The following ENOX2 variants were observed in gnomAD, a reference collection of about 807,000 sequenced individuals.
ENOX2 encodes APK1 antigen.
Under a neutral mutation model 45.0 loss-of-function variants are expected in ENOX2, and 36 were observed. The observed-to-expected ratio is 0.80, with a 90% CI of 0.61 to 1.06. The LOEUF (loss-of-function observed/expected upper bound fraction) is 1.06, where lower values mean the gene tolerates loss of function less well. Ranked by LOEUF, ENOX2 falls within the 50% of genes least tolerant of loss-of-function variation. The pLI is 0.00. For synonymous variants in ENOX2, 174 were observed against 152.3 expected, an observed-to-expected ratio of 1.14 and a Z score of -1.05; for missense variants, 423 against 462.5, an observed-to-expected ratio of 0.91 and a Z score of 0.78.
intron 8 of ENOX2, 98 bp downstream of exon 8, chrX:130,667,432 A>C: frequency 2.7e-6 from 2 of 752,069 alleles, no homozygotes; most frequent in Non-Finnish European, 4.1e-6. Context: ...CTTGAGCCTT[A>C]ACACAGGATG....
chrX:130,840,674 C>T (rs890250954), intron 2 of ENOX2, among the ~76,000 whole-genome samples: 10 of 110,670 alleles, frequency 9.0e-5, no homozygotes, highest in Non-Finnish European at 1.9e-4. Flanking sequence ...CAAGACCAGC[C>T]TGAGCAATAT....
chrX:130,790,376 C>A lies in ENOX2; in HGVS notation c.-182-6686G>T, dbSNP rs2077025468. ...AACTACTTGGTCAAGTCACTAAAGT[C>A]TCTCATAAAAAGGCCGCATCCATTT... On this transcript the variant is annotated intron_variant, in intron 2 of 14. Transcript: ENST00000394363. Among the ~76,000 whole-genome samples, 3 of 111,989 alleles carry A rather than the reference C, an allele frequency of 2.7e-5. No individual in the cohort carries two copies. The Admixed American group carries it at 2.8e-4, about 11-fold the overall frequency.
chrX:130,781,381 A>G (rs1687193347), intron 3 of ENOX2, among the ~76,000 whole-genome samples: 1 of 112,420 alleles, frequency 8.9e-6, no homozygotes, highest in Non-Finnish European at 1.9e-5. Flanking sequence ...CATTATTTGA[A>G]TGCAAATTGT....
Position 130,645,632 on chromosome X carries a change from G to A in ENOX2, c.1130-8222C>T, listed in dbSNP as rs184838447. ...CTGGGCCGCAGGCCATGGGGCCCGC[G>A]CCCGCCTGGAGGGATGGGGCTGCCC... On this transcript the variant is annotated intron_variant, in intron 10 of 14. Coordinates refer to ENST00000394363, the MANE Select transcript of ENOX2 (RefSeq NM_006375.4). 3.3e-3 allele frequency: 1,320 copies of A among 397,091 alleles called. 19 individuals carry two copies. The highest frequency in any genetic ancestry group is 0.03 in the African/African-American group (1,185 of 39,582). 32.7% of individuals were successfully genotyped at this position (397,091 alleles called of 1,213,427 possible). A position where few individuals can be genotyped will look rare whatever the true frequency, so the allele number is the denominator to read the frequency against.
intron 2 of ENOX2, among the ~76,000 whole-genome samples, chrX:130,794,351 G>A (rs2077086917): frequency 8.9e-6 from 1 of 112,276 alleles, no homozygotes; most frequent in Admixed American, 9.4e-5. Flanking sequence ...TCTGTAATGA[G>A]GTCTTCCCTT....
At chrX:130,770,269 T>C (rs2039707493) in intron 3 of ENOX2, among the ~76,000 whole-genome samples, 1 of 112,008 alleles carries the variant, frequency 8.9e-6, no homozygotes, top group Admixed American at 9.5e-5. Flanking sequence ...GTGGGATGAC[T>C]AGATTTTCTA....
intron 2 of ENOX2, among the ~76,000 whole-genome samples, chrX:130,892,361 G>A (rs779897234): frequency 1.8e-5 from 2 of 112,294 alleles, no homozygotes; most frequent in African/African-American, 6.5e-5. Flanking sequence ...CATGTGCTCT[G>A]CTTAGCAGCA....
At chrX:130,672,159 G>A (rs752636053) in intron 6 of ENOX2, among the ~76,000 whole-genome samples, 15 of 112,100 alleles carry the variant, frequency 1.3e-4, no homozygotes, top group Non-Finnish European at 2.6e-4. Context: ...ACAGGCTTAA[G>A]CTACAATGTC....
chrX:130,645,873 C>T lies in ENOX2; in HGVS notation c.1130-8463G>A, dbSNP rs917210303. On this transcript the variant is annotated intron_variant, in intron 10 of 14. Coordinates refer to ENST00000394363, the MANE Select transcript of ENOX2 (RefSeq NM_006375.4). ...GAGAGAGAGGAATCCCCTGCAGGTT[C>T]AAGACCATGATCAGCCCATCCCGTG... 3.7e-5 allele frequency: 25 copies of T among 678,308 alleles called. No homozygotes were observed. In the East Asian group the frequency reaches 3.9e-4, roughly 11 times the overall value. 55.9% of individuals were successfully genotyped at this position (678,308 alleles called of 1,213,427 possible). A position where few individuals can be genotyped will look rare whatever the true frequency, so the allele number is the denominator to read the frequency against.
chrX:130,656,563 A>C lies in ENOX2; in HGVS notation c.1129+18T>G. On this transcript the variant is annotated intron_variant, in intron 10 of 14. Coordinates refer to ENST00000394363, the MANE Select transcript of ENOX2 (RefSeq NM_006375.4). ...CAAGTACATGTTTATTAAATAAAGA[A>C]AACAGAATTATCTTTACCTGATTCC... The C allele has an allele frequency of 1.0e-6, 1 of 962,806 alleles. No individual in the cohort carries two copies. The highest frequency in any genetic ancestry group is 1.5e-6 in the Non-Finnish European group (1 of 674,387). The allele number at this position is 962,806 out of a possible 1,213,427, so 79.3% of individuals were successfully genotyped here. A position where few individuals can be genotyped will look rare whatever the true frequency, so the allele number is the denominator to read the frequency against.
intron 2 of ENOX2, among the ~76,000 whole-genome samples, chrX:130,847,373 C>T (rs2078127541): frequency 9.0e-6 from 1 of 111,624 alleles, no homozygotes; most frequent in South Asian, 3.7e-4. Context: ...AAAAATGTTA[C>T]AAGTTTGTAA....
intron 2 of ENOX2, among the ~76,000 whole-genome samples, chrX:130,786,623 A>C (rs1371941986): frequency 1.1e-5 from 1 of 93,282 alleles, no homozygotes; most frequent in Non-Finnish European, 2.1e-5. Flanking sequence ...CTCATTGTTC[A>C]ATTCCCACCT....
intron 4 of ENOX2, among the ~76,000 whole-genome samples, chrX:130,690,050 A>G (rs909499596): frequency 1.8e-5 from 2 of 111,127 alleles, no homozygotes; most frequent in African/African-American, 6.6e-5. Flanking sequence ...TTCACTGCAC[A>G]TACAGGTTAG....
intron 11 of ENOX2, 38 bp downstream of exon 11, chrX:130,637,191 A>C: frequency 8.7e-7 from 1 of 1,143,982 alleles, no homozygotes; most frequent in East Asian, 3.0e-5. Context: ...AGCTGATGCT[A>C]TTCTACCCAG....
chrX:130,832,444 C>T (rs960071561), intron 2 of ENOX2, among the ~76,000 whole-genome samples: 6 of 92,779 alleles, frequency 6.5e-5, no homozygotes, highest in East Asian at 3.6e-4. Flanking sequence ...CACACATACA[C>T]ACACACACAC....
At chrX:130,669,721 A>T (rs754787970) in intron 7 of ENOX2, among the ~76,000 whole-genome samples, 21 of 111,991 alleles carry the variant, frequency 1.9e-4, no homozygotes, top group Admixed American at 3.8e-4. Context: ...TAGTCACCTG[A>T]TGTCTGAAGA....
At chrX:130,709,651 AAAAAG>A (rs1242461880) in intron 3 of ENOX2, among the ~76,000 whole-genome samples, 6 of 108,800 alleles carry the variant, frequency 5.5e-5, no homozygotes, top group Admixed American at 9.8e-5. Context: ...AAAAAAAAAA[AAAAAG>A]AAAAGAAAAG....
intron 2 of ENOX2, among the ~76,000 whole-genome samples, chrX:130,850,806 C>T (rs774671395): frequency 2.9e-4 from 33 of 112,472 alleles, no homozygotes; most frequent in Admixed American, 7.5e-4. Flanking sequence ...ATTTTCTCTG[C>T]CCCCTATTCC....
chrX:130,843,402 A>G (rs1474491903), intron 2 of ENOX2, among the ~76,000 whole-genome samples: 1 of 111,174 alleles, frequency 9.0e-6, no homozygotes, highest in East Asian at 2.8e-4. Flanking sequence ...CCTCCAACCA[A>G]CTCTCTAGTT....
Sources: allele counts gnomAD v4.1 joint callset (sites outside exome capture counted in the v4.1 genomes callset), GRCh38; gene constraint gnomAD v4.1.1; transcripts MANE v1.5; gene names NCBI Gene and HGNC (gene_info 2026-07-23, HGNC 2026-07-21).